SELENOT: variants seen among roughly 807,000 people sequenced by gnomAD.
SELENOT encodes selenoprotein T.
Under a neutral mutation model 24.3 loss-of-function variants are expected in SELENOT, and 9 were observed. The observed-to-expected ratio is 0.37, with a 90% CI of 0.22 to 0.65. The LOEUF (loss-of-function observed/expected upper bound fraction) is 0.65, where lower values mean the gene tolerates loss of function less well. Ranked by LOEUF, SELENOT falls within the 30% of genes least tolerant of loss-of-function variation. The pLI is 0.60. For missense variants in SELENOT, 166 were observed against 247.6 expected (o/e 0.67, Z 2.21); for synonymous variants, 81 against 86.0 (o/e 0.94, Z 0.32).
intron 4 of SELENOT, 97 bp from the exon 5 acceptor site, chr3:150,626,912 TC>T (rs1726457528): frequency 7.9e-7 from 1 of 1,266,910 alleles, no homozygotes. Context: ...TACTTTTGTA[TC>T]CCAGTTGTGT....
At chr3:150,622,114 CT>C (rs78339654) in intron 1 of SELENOT, among the ~76,000 whole-genome samples, 2,098 of 142,678 alleles carry the variant, frequency 0.015, 29 homozygotes, top group South Asian at 0.029. Flanking sequence ...GTTTAATGTT[CT>C]TTTTTTTTTT....
intron 1 of SELENOT, among the ~76,000 whole-genome samples, chr3:150,621,218 A>G (rs1726335420): frequency 6.6e-6 from 1 of 152,260 alleles, no homozygotes; most frequent in South Asian, 2.1e-4. Flanking sequence ...TGTAAAGGAA[A>G]TATTCACTGT....
At chr3:150,614,859 ATTATTATTTT>A (rs973221042) in intron 1 of SELENOT, among the ~76,000 whole-genome samples, 2 of 151,388 alleles carry the variant, frequency 1.3e-5, no homozygotes, top group African/African-American at 2.4e-5. Context: ...TTATTTATTT[ATTATTATTTT>A]TTATTATTAT....
chr3:150,609,322 C>T (rs1023730568), intron 1 of SELENOT, among the ~76,000 whole-genome samples: 2 of 152,100 alleles, frequency 1.3e-5, no homozygotes, highest in Non-Finnish European at 2.9e-5. Context: ...CTGAAACTGA[C>T]ACACCCTTGC....
In SELENOT at chr3:150,605,879, G is replaced by C. The variant is rs569352968; in HGVS notation, c.137+2380G>C. Among the ~76,000 whole-genome samples the C allele has an allele frequency of 1.2e-4, 18 of 152,290 alleles. 1 individual carries two copies. In the South Asian group the frequency reaches 3.7e-3, roughly 32 times the overall value. ...TGAGAATTTTAAAATTCCATTTGAA[G>C]TCAGTATTATAAAATGCAGCTTTTC... On this transcript the variant is annotated intron_variant, in intron 1 of 5. Coordinates refer to ENST00000471696, the MANE Select transcript of SELENOT (RefSeq NM_016275.5).
At chr3:150,604,311 G>C (rs960486640) in intron 1 of SELENOT, among the ~76,000 whole-genome samples, 1 of 152,112 alleles carries the variant, frequency 6.6e-6, no homozygotes, top group Admixed American at 6.5e-5. Flanking sequence ...TTAGAAGCAG[G>C]GCAATGATGC....
intron 1 of SELENOT, among the ~76,000 whole-genome samples, chr3:150,604,897 C>T (rs192484451): frequency 1.8e-3 from 276 of 152,152 alleles, no homozygotes; most frequent in African/African-American, 6.2e-3. Context: ...ATTAGCCTGG[C>T]GTGGTGGCGC....
intron 1 of SELENOT, among the ~76,000 whole-genome samples, chr3:150,619,215 C>T (rs1192532032): frequency 4.0e-5 from 4 of 99,622 alleles, no homozygotes; most frequent in East Asian, 6.4e-4. Flanking sequence ...AGCGAGACTC[C>T]GTCTCAAAAA....
Position 150,622,402 on chromosome 3 carries a change from G to A in SELENOT, c.155G>A (p.Arg52Lys). The A allele has an allele frequency of 6.8e-7, 1 of 1,466,570 alleles. No homozygotes were observed. 90.8% of individuals were successfully genotyped at this position (1,466,570 alleles called of 1,614,324 possible). Residue 52 changes from arginine (R) to lysine (K), a missense_variant, in exon 2 of 6, where the codon AGG (arginine) becomes AAG (lysine). Arg to Lys is a conservative substitution (Grantham distance 26). This residue lies in a region of SELENOT where 71 missense variants were observed against 89.2 expected (regional missense o/e 0.80). Coordinates refer to ENST00000471696, the MANE Select transcript of SELENOT (RefSeq NM_016275.5). ...TTCTGCAGTGTTTCCTGAGGTTATAGGCGGGTGTTTGAGGAGTACATGCGG... is the reference window on the plus strand; with the variant it reads ...TTCTGCAGTGTTTCCTGAGGTTATAAGCGGGTGTTTGAGGAGTACATGCGG... ...KFQICVSUGY[R>K]RVFEEYMRVI...
intron 4 of SELENOT, among the ~76,000 whole-genome samples, chr3:150,626,127 C>T (rs1189625924): frequency 6.6e-6 from 1 of 152,080 alleles, no homozygotes; most frequent in Non-Finnish European, 1.5e-5. Flanking sequence ...CCTCCACCTC[C>T]GCCTCCCAAA....
chr3:150,609,381 A>T (rs1270290659), intron 1 of SELENOT, among the ~76,000 whole-genome samples: 1 of 151,766 alleles, frequency 6.6e-6, no homozygotes, highest in African/African-American at 2.4e-5. Context: ...ACTGGGTCTC[A>T]CTCTGTCACC....
Position 150,629,415 on chromosome 3 carries a change from T to C in SELENOT, c.*1786T>C, listed in dbSNP as rs1281339109. 1 of 152,638 alleles carries C rather than the reference T, an allele frequency of 6.6e-6. No homozygotes were observed. The highest frequency in any genetic ancestry group is 1.5e-5 in the Non-Finnish European group (1 of 68,038). 9.5% of individuals were successfully genotyped at this position (152,638 alleles called of 1,614,324 possible). On this transcript the variant is annotated 3_prime_UTR_variant, in exon 6 of 6. Transcript: ENST00000471696. ...TAGAGCTTGAAACCTTGTTATCTGATTGTGTACCACTCCAAATTCCCTGCC... is the reference window on the plus strand; with the variant it reads ...TAGAGCTTGAAACCTTGTTATCTGACTGTGTACCACTCCAAATTCCCTGCC...
intron 1 of SELENOT, among the ~76,000 whole-genome samples, chr3:150,619,097 T>C (rs143375479): frequency 0.058 from 8,816 of 151,824 alleles, 334 homozygotes; most frequent in Non-Finnish European, 0.082. Flanking sequence ...GGTGGGCGCC[T>C]GTAGTCTCAG....
Position 150,627,157 on chromosome 3 carries a change from C to T in SELENOT, c.*23C>T. ...TAGCACCACCTATCAGCACTGAAAA[C>T]TCTTTTGTAAGTTGTTTAAAATATA... On this transcript the variant is annotated 3_prime_UTR_variant, in exon 5 of 6. Transcript: ENST00000471696. 3.1e-6 allele frequency: 5 copies of T among 1,601,960 alleles called. No homozygotes were observed. Among genetic ancestry groups the T allele is most frequent in the Non-Finnish European group, 4.3e-6 (5 of 1,173,462 alleles).
intron 1 of SELENOT, chr3:150,611,786 C>G: frequency 1.8e-6 from 2 of 1,101,342 alleles, no homozygotes; most frequent in South Asian, 2.8e-5. Context: ...TGCGCCCGGC[C>G]CCTCAGCCCC....
chr3:150,625,725 G>C (rs569658926), intron 4 of SELENOT, among the ~76,000 whole-genome samples: 67 of 152,034 alleles, frequency 4.4e-4, no homozygotes, highest in African/African-American at 1.6e-3. Context: ...CTTTGCATCA[G>C]TGAAAAATTT....
At chr3:150,618,895 AT>A (rs1478242955) in intron 1 of SELENOT, 1 of 152,162 alleles carries the variant, frequency 6.6e-6, no homozygotes, top group Non-Finnish European at 1.5e-5. Flanking sequence ...TATTTTCGAA[AT>A]TTCCTTTCTG....
intron 4 of SELENOT, among the ~76,000 whole-genome samples, chr3:150,625,628 A>G (rs539460896): frequency 1.9e-4 from 29 of 152,164 alleles, no homozygotes; most frequent in Middle Eastern, 3.4e-3. Context: ...TGTTTTTTAC[A>G]CTTTTTGGTT....
At chr3:150,606,135 TTCC>T (rs1174433267) in intron 1 of SELENOT, among the ~76,000 whole-genome samples, 5 of 149,728 alleles carry the variant, frequency 3.3e-5, no homozygotes, top group African/African-American at 7.4e-5. Context: ...GTTTTTTTTT[TTCC>T]TTTCTTTCTT....
Sources: allele counts gnomAD v4.1 joint callset (sites outside exome capture counted in the v4.1 genomes callset), GRCh38; gene constraint gnomAD v4.1.1; regional missense constraint gnomAD v4.1.1; transcripts MANE v1.5; gene names NCBI Gene and HGNC (gene_info 2026-07-23, HGNC 2026-07-21).